The following KIF3A variants were observed in gnomAD, a reference collection of about 807,000 sequenced individuals.
The protein encoded by KIF3A is kinesin-like protein KIF3A.
KIF3A carries 27 observed loss-of-function variants against 92.6 expected under a neutral mutation model. That is an observed-to-expected ratio of 0.29 (90% CI 0.21 to 0.40). The LOEUF (loss-of-function observed/expected upper bound fraction) is 0.40. Ranked by LOEUF, KIF3A falls within the 10% of genes least tolerant of loss-of-function variation. The pLI, the probability that KIF3A is intolerant of heterozygous loss-of-function variation, is 1.00. For missense variants in KIF3A, 581 were observed against 872.6 expected, an observed-to-expected ratio of 0.67 and a Z score of 4.21; for synonymous variants, 250 against 275.4, an observed-to-expected ratio of 0.91 and a Z score of 0.92.
chr5:132,732,348 C>A (rs1754260276), intron 2 of KIF3A, among the ~76,000 whole-genome samples: 1 of 152,040 alleles, frequency 6.6e-6, no homozygotes, highest in South Asian at 2.1e-4. Context: ...TATGTTCACA[C>A]AAAAATCTGT....
At chr5:132,730,380 C>T (rs1483278078) in intron 2 of KIF3A, among the ~76,000 whole-genome samples, 1 of 151,492 alleles carries the variant, frequency 6.6e-6, no homozygotes, top group Non-Finnish European at 1.5e-5. Context: ...GCGAGAGAAT[C>T]GCTGGAACCC....
chr5:132,711,188 C>G (rs1010109066), intron 8 of KIF3A, 131 bp from the exon 9 acceptor site: 6 of 748,184 alleles, frequency 8.0e-6, no homozygotes, highest in Admixed American at 2.4e-5. Context: ...TATTTAAATG[C>G]TCCTAGAAAG....
chr5:132,706,745 C>T (rs1255305943), intron 10 of KIF3A, among the ~76,000 whole-genome samples: 1 of 152,014 alleles, frequency 6.6e-6, no homozygotes, highest in African/African-American at 2.4e-5. Context: ...ACACTGATTC[C>T]CCAAGTCCTG....
intron 5 of KIF3A, 89 bp from the exon 6 acceptor site, chr5:132,717,073 T>C (rs1753650189): frequency 7.8e-7 from 1 of 1,279,276 alleles, no homozygotes; most frequent in Non-Finnish European, 1.1e-6. Context: ...AAACACTTAA[T>C]TTTATCACAA....
At chr5:132,700,794 TAA>T (rs939423569) in intron 15 of KIF3A, 94 bp from the exon 16 acceptor site, 12 of 753,636 alleles carry the variant, frequency 1.6e-5, no homozygotes, top group African/African-American at 7.1e-5. Flanking sequence ...CATTGAGTAA[TAA>T]AAGTCTCAAA....
At position 132,726,442 on chromosome 5, in the gene KIF3A, C is replaced by A. The variant is rs770849050; in HGVS notation, c.337G>T (p.Val113Phe). ...CCTCTAAGTTCAGGAATAGCTCGAA[C>A]ACCTTCCATGGTAAAAGTTTTGCCT... The part of the protein sequence containing the change: ...GTGKTFTMEG[V>F]RAIPELRGII... The change falls in exon 3 of 19, where the codon GTT becomes TTT. Residue 113 changes from valine (V) to phenylalanine (F), a missense_variant. Physicochemically the swap from Val to Phe is conservative, Grantham distance 50. Coordinates refer to ENST00000403231, the MANE Select transcript of KIF3A (RefSeq NM_001300791.2). The A allele has an allele frequency of 1.1e-5, 18 of 1,613,546 alleles. No homozygotes were observed. Among genetic ancestry groups the A allele is most frequent in the Non-Finnish European group, 1.5e-5 (18 of 1,179,672 alleles).
At chr5:132,730,888 T>A (rs530432217) in intron 2 of KIF3A, among the ~76,000 whole-genome samples, 2 of 152,150 alleles carry the variant, frequency 1.3e-5, no homozygotes, top group South Asian at 4.2e-4. Flanking sequence ...GGAGGATTGC[T>A]TAAGGCCAGG....
chr5:132,699,500 A>C, intron 17 of KIF3A: 2 of 629,274 alleles, frequency 3.2e-6, no homozygotes, highest in Non-Finnish European at 5.8e-6. Context: ...GACACACTAT[A>C]AATTTCCTTG....
chr5:132,699,164 T>G lies in KIF3A; in HGVS notation c.2132+7A>C. ...TTCGTTTTACCAGATTCAAGGACAG[T>G]CCTTACCTTCTCCCTGTCTTTGGCC... On this transcript the variant is annotated splice_region_variant and intron_variant, in intron 18 of 18. Transcript: ENST00000403231. 6.2e-7 allele frequency: 1 copy of G among 1,613,822 alleles called. No individual in the cohort carries two copies. Among genetic ancestry groups the G allele is most frequent in the Non-Finnish European group, 8.5e-7 (1 of 1,179,692 alleles).
intron 9 of KIF3A, 38 bp from the exon 10 acceptor site, chr5:132,709,016 A>T: frequency 6.9e-7 from 1 of 1,459,326 alleles, no homozygotes; most frequent in Non-Finnish European, 9.4e-7. Flanking sequence ...GGAACCAAAG[A>T]AAGAGGAAAC....
At position 132,714,304 on chromosome 5, in the gene KIF3A, T is replaced by C. The variant is rs924028799; in HGVS notation, c.1129+1453A>G. On this transcript the variant is annotated intron_variant, in intron 8 of 18. Transcript: ENST00000403231. Reference sequence around the variant, plus strand: ...AGGAATGGGTACATACTGTTTTTAATGAGTACAAAGTTTCAATTTTGCAAG... The same window carrying C: ...AGGAATGGGTACATACTGTTTTTAACGAGTACAAAGTTTCAATTTTGCAAG... 4.6e-5 allele frequency among the ~76,000 whole-genome samples: 7 copies of C among 152,314 alleles called. No homozygotes were observed. The East Asian group carries it at 9.6e-4, about 21-fold the overall frequency.
At position 132,696,280 on chromosome 5, in the gene KIF3A, T is replaced by C. The variant is rs12514976; in HGVS notation, c.*354A>G. 0.25 allele frequency: 40,735 copies of C among 160,572 alleles called. 6,806 individuals carry two copies. The highest frequency in any genetic ancestry group is 0.73 in the East Asian group (4,110 of 5,616). 9.9% of individuals were successfully genotyped at this position (160,572 alleles called of 1,614,324 possible). On this transcript the variant is annotated 3_prime_UTR_variant, in exon 19 of 19. Transcript: ENST00000403231. ...ACAGGACACAGTTTTTTTTTTTCTATTTTGAAATTCTAGTTACCTAAATAT... is the reference window on the plus strand; with the variant it reads ...ACAGGACACAGTTTTTTTTTTTCTACTTTGAAATTCTAGTTACCTAAATAT...
intron 2 of KIF3A, among the ~76,000 whole-genome samples, chr5:132,728,461 C>T (rs1258368590): frequency 1.3e-5 from 2 of 152,080 alleles, no homozygotes; most frequent in Non-Finnish European, 2.9e-5. Flanking sequence ...TATGGCCAGG[C>T]GGGGTGGCTC....
intron 5 of KIF3A, among the ~76,000 whole-genome samples, 190 bp downstream of exon 5, chr5:132,720,419 C>T (rs1441509151): frequency 1.3e-5 from 2 of 152,116 alleles, no homozygotes; most frequent in African/African-American, 4.8e-5. Context: ...AAATTTTGCT[C>T]GGCATGGAAA....
intron 5 of KIF3A, among the ~76,000 whole-genome samples, chr5:132,718,614 GT>G (rs138772741): frequency 6.7e-6 from 1 of 149,548 alleles, no homozygotes; most frequent in Non-Finnish European, 1.5e-5. Flanking sequence ...TCAGCTTGTT[GT>G]TTTTTTTGTT....
intron 15 of KIF3A, 107 bp from the exon 16 acceptor site, chr5:132,700,807 A>C (rs1753010902): frequency 2.0e-5 from 13 of 662,800 alleles, no homozygotes; most frequent in Non-Finnish European, 3.2e-5. Flanking sequence ...AAGTCTCAAA[A>C]CATTATATAC....
chr5:132,706,368 TA>T, intron 11 of KIF3A, 82 bp downstream of exon 11: 1 of 1,005,316 alleles, frequency 9.9e-7, no homozygotes, highest in Non-Finnish European at 1.4e-6. Flanking sequence ...TACTAAATTT[TA>T]AAAATTTAAT....
At chr5:132,707,659 A>C (rs17691077) in intron 10 of KIF3A, among the ~76,000 whole-genome samples, 12,408 of 152,210 alleles carry the variant, frequency 0.082, 655 homozygotes, top group Non-Finnish European at 0.12. Flanking sequence ...TTGCCTACAA[A>C]TTGTCAATAG....
chr5:132,721,830 G>A (rs1278966115), intron 4 of KIF3A, among the ~76,000 whole-genome samples: 1 of 152,148 alleles, frequency 6.6e-6, no homozygotes, highest in Non-Finnish European at 1.5e-5. Flanking sequence ...GAGTTTAGGG[G>A]TCTTCAGGCC....
Sources: allele counts gnomAD v4.1 joint callset (sites outside exome capture counted in the v4.1 genomes callset), GRCh38; gene constraint gnomAD v4.1.1; transcripts MANE v1.5; gene names NCBI Gene and HGNC (gene_info 2026-07-23, HGNC 2026-07-21).